The following RD3 variants were observed in gnomAD, a reference collection of about 807,000 sequenced individuals.
RD3 encodes the protein protein RD3.
A neutral mutation model predicts 16.9 loss-of-function variants in RD3; 11 were observed. That is an observed-to-expected ratio of 0.65 (90% CI 0.41 to 1.08). The LOEUF is 1.08. RD3 is among the 50% of genes least tolerant of loss of function. The probability of loss-of-function intolerance (pLI) is 0.00; values close to 1 mark genes in which losing one functional copy is unlikely to be tolerated. For synonymous variants in RD3, 116 were observed against 114.8 expected, an observed-to-expected ratio of 1.01 and a Z score of -0.07; for missense variants, 274 against 267.4, an observed-to-expected ratio of 1.02 and a Z score of -0.17.
intron 1 of RD3, among the ~76,000 whole-genome samples, chr1:211,483,946 G>A (rs906151844): frequency 5.3e-5 from 8 of 152,180 alleles, no homozygotes; most frequent in African/African-American, 1.7e-4. Context: ...GAATGTGCTG[G>A]GCTACTGCAC....
Position 211,481,347 on chromosome 1 carries a change from C to G in RD3, c.69G>C (p.Glu23Asp), listed in dbSNP as rs34422496. 2,486 of 1,614,114 alleles carry G rather than the reference C, an allele frequency of 1.5e-3. 39 individuals are homozygous for G. In the African/African-American group the frequency reaches 0.028, roughly 18 times the overall value. Residue 23 changes from glutamate (E) to aspartate (D), a missense_variant, in exon 2 of 3, where the codon GAG (glutamate) becomes GAC (aspartate). Glu to Asp is a conservative substitution (Grantham distance 45, BLOSUM62 2). Transcript: ENST00000680073. ...CCATCATAAGCGTCTCCAGCACCAT[C>G]TCAGCAGGGCTCCTGGTGGACAGCC... ...PSRLSTRSPAEMVLETLMMEL... is the reference protein window; with the variant it reads ...PSRLSTRSPADMVLETLMMEL...
At chr1:211,487,301 T>C (rs1339649131) in intron 1 of RD3, among the ~76,000 whole-genome samples, 1 of 152,184 alleles carries the variant, frequency 6.6e-6, no homozygotes, top group Non-Finnish European at 1.5e-5. Context: ...CCCCCTCCCA[T>C]AACCTGCTTT....
chr1:211,479,256 T>C lies in RD3; in HGVS notation c.368A>G (p.Gln123Arg). The C allele has an allele frequency of 6.2e-7, 1 of 1,607,616 alleles. No homozygotes were observed. Among genetic ancestry groups the C allele is most frequent in the Non-Finnish European group, 8.5e-7 (1 of 1,177,116 alleles). Residue 123 changes from glutamine (Q) to arginine (R), a missense_variant, in exon 3 of 3, where the codon CAG (glutamine) becomes CGG (arginine). Gln to Arg is a conservative substitution (Grantham distance 43, BLOSUM62 1). Coordinates refer to ENST00000680073, the MANE Select transcript of RD3 (RefSeq NM_001164688.2). ...CTGCTTCATCCTCTCCAGGACCTCC[T>C]GCAGCACCGAGCGGAAGAGCTGGGA... ...EVSQLFRSVLQEVLERMKQEE... is the reference protein window; with the variant it reads ...EVSQLFRSVLREVLERMKQEE...
At chr1:211,480,136 A>T (rs993119921) in intron 2 of RD3, among the ~76,000 whole-genome samples, 1 of 151,580 alleles carries the variant, frequency 6.6e-6, no homozygotes, top group African/African-American at 2.4e-5. Flanking sequence ...CCACCCCATG[A>T]CCCACCCCCG....
In RD3 at chr1:211,477,726, C is replaced by T. The variant is rs193253076; in HGVS notation, c.*1310G>A. On this transcript the variant is annotated 3_prime_UTR_variant, in exon 3 of 3. Transcript: ENST00000680073. ...AAAACTTTTTTCCACTGAGGGAATA[C>T]ACACTTTTCCCCCCTGTTGATTATA... 153 of 177,322 alleles carry T rather than the reference C, an allele frequency of 8.6e-4. No homozygotes were observed. The highest frequency in any genetic ancestry group is 1.5e-3 in the East Asian group (10 of 6,684). 11.0% of individuals were successfully genotyped at this position (177,322 alleles called of 1,614,324 possible). A position where few individuals can be genotyped will look rare whatever the true frequency, so the allele number is the denominator to read the frequency against.
chr1:211,486,968 C>T (rs1358952502), intron 1 of RD3, among the ~76,000 whole-genome samples: 2 of 152,146 alleles, frequency 1.3e-5, no homozygotes, highest in Non-Finnish European at 2.9e-5. Flanking sequence ...GAAAACATTA[C>T]ATAAATATGT....
rs74892201 is a variant in RD3, at chr1:211,488,272, C to T, written c.-12+3496G>A. Among the ~76,000 whole-genome samples the T allele has an allele frequency of 2.7e-4, 41 of 152,140 alleles. 1 individual carries two copies. The highest frequency in any genetic ancestry group is 4.3e-4 in the Non-Finnish European group (29 of 68,026). On this transcript the variant is annotated intron_variant, in intron 1 of 2. Coordinates refer to ENST00000680073, the MANE Select transcript of RD3 (RefSeq NM_001164688.2). ...CCTGGAGGCCGGGAGCGGTGGCTCA[C>T]GACTATAATCCCAGCACTTTGGGAG...
chr1:211,491,746 C>T (rs969055926), intron 1 of RD3, 22 bp downstream of exon 1: 2 of 152,304 alleles, frequency 1.3e-5, no homozygotes, highest in Non-Finnish European at 2.9e-5. Flanking sequence ...GACACTGTCT[C>T]CTGGGGAGAC....
Position 211,482,592 on chromosome 1 carries a change from G to A in RD3, c.-11-1166C>T, listed in dbSNP as rs150048218. Among the ~76,000 whole-genome samples the A allele has an allele frequency of 2.5e-4, 38 of 151,980 alleles. 2 individuals are homozygous for A. Among genetic ancestry groups the A allele is most frequent in the African/African-American group, 8.7e-4 (36 of 41,282 alleles). ...GCCATAGAACAAGGTGAGACAGGTG[G>A]AGGTCTGACAGCAGCGAGCCTAACT... On this transcript the variant is annotated intron_variant, in intron 1 of 2. Transcript: ENST00000680073.
At position 211,476,614 on chromosome 1, in the gene RD3, G is replaced by A. The variant is rs1369765000; in HGVS notation, c.*2422C>T. The stretch of plus-strand genomic sequence containing the variant: ...TCCCTTTAACAACCTGAATCCAGAG[G>A]AACAACTTCTGGACCCTCATGAATT... On this transcript the variant is annotated 3_prime_UTR_variant, in exon 3 of 3. Transcript: ENST00000680073. The A allele has an allele frequency of 1.3e-5, 2 of 152,128 alleles. No homozygotes were observed. Among genetic ancestry groups the A allele is most frequent in the Non-Finnish European group, 2.9e-5 (2 of 68,034 alleles). The allele number at this position is 152,128 out of a possible 1,614,324, so 9.4% of individuals were successfully genotyped here. A position where few individuals can be genotyped will look rare whatever the true frequency, so the allele number is the denominator to read the frequency against.
At position 211,478,930 on chromosome 1, in the gene RD3, TC is replaced by T; in HGVS notation, c.*105del. On this transcript the variant is annotated 3_prime_UTR_variant, in exon 3 of 3. Transcript: ENST00000680073. ...TTGGGATGGGGCCGCCTCTTGGGTCTCCTCGTCAGGCCTAGGTGGGGAGGTT... is the reference window on the plus strand; with the variant it reads ...TTGGGATGGGGCCGCCTCTTGGGTCTCTCGTCAGGCCTAGGTGGGGAGGTT... 1 of 1,088,422 alleles carries T rather than the reference TC, an allele frequency of 9.2e-7. No homozygotes were observed. Among genetic ancestry groups the T allele is most frequent in the Non-Finnish European group, 1.3e-6 (1 of 782,722 alleles). The allele number at this position is 1,088,422 out of a possible 1,614,324, so 67.4% of individuals were successfully genotyped here.
In RD3 at chr1:211,481,357, C is replaced by A. The variant is rs1434115294; in HGVS notation, c.59G>T (p.Ser20Ile). 2 of 1,613,986 alleles carry A rather than the reference C, an allele frequency of 1.2e-6. No individual in the cohort carries two copies. The highest frequency in any genetic ancestry group is 2.2e-5 in the South Asian group (2 of 91,070). ...CGTCTCCAGCACCATCTCAGCAGGG[C>A]TCCTGGTGGACAGCCGGGATGGGGC... ...NEAPSRLSTR[S>I]PAEMVLETLM... The change falls in exon 2 of 3, where the codon AGC becomes ATC. Residue 20 changes from serine to isoleucine, a missense_variant. Coordinates refer to ENST00000680073, the MANE Select transcript of RD3 (RefSeq NM_001164688.2).
At chr1:211,487,090 G>A (rs1019334920) in intron 1 of RD3, among the ~76,000 whole-genome samples, 13 of 152,044 alleles carry the variant, frequency 8.6e-5, no homozygotes, top group African/African-American at 2.4e-4. Context: ...CCCTCCCCAC[G>A]GCCACCGTCT....
At chr1:211,488,315 A>C (rs2102373000) in intron 1 of RD3, among the ~76,000 whole-genome samples, 1 of 152,162 alleles carries the variant, frequency 6.6e-6, no homozygotes, top group East Asian at 1.9e-4. Context: ...CAGGCAGATC[A>C]CTTGAGGCCA....
At chr1:211,490,087 G>T (rs12040334) in intron 1 of RD3, among the ~76,000 whole-genome samples, 22,332 of 152,146 alleles carry the variant, frequency 0.15, 2,569 homozygotes, top group African/African-American at 0.3. Flanking sequence ...GCTGTGGCTC[G>T]TTAGCTGTGC....
At chr1:211,488,682 CT>C (rs1558182246) in intron 1 of RD3, among the ~76,000 whole-genome samples, 2 of 152,212 alleles carry the variant, frequency 1.3e-5, no homozygotes, top group Non-Finnish European at 2.9e-5. Context: ...GTTAAGACCC[CT>C]ATCCATCTTG....
chr1:211,488,542 A>AAG (rs1553281875), intron 1 of RD3, among the ~76,000 whole-genome samples: 1 of 151,694 alleles, frequency 6.6e-6, no homozygotes, highest in Non-Finnish European at 1.5e-5. Context: ...CAAAAAAAAA[A>AAG]AAAAAAACCC....
At chr1:211,487,378 T>C (rs1705394609) in intron 1 of RD3, among the ~76,000 whole-genome samples, 1 of 152,250 alleles carries the variant, frequency 6.6e-6, no homozygotes, top group African/African-American at 2.4e-5. Context: ...ATTCTCCCCA[T>C]GTACGCGTTT....
At chr1:211,482,528 G>A (rs140772585) in intron 1 of RD3, among the ~76,000 whole-genome samples, 1 of 151,974 alleles carries the variant, frequency 6.6e-6, no homozygotes, top group African/African-American at 2.4e-5. Flanking sequence ...CAGACACATG[G>A]GCTGATGGAG....
Sources: gnomAD v4.1 joint callset for allele counts (sites outside exome capture counted in the v4.1 genomes callset) on GRCh38, gnomAD v4.1.1 for gene constraint, MANE v1.5 for transcripts, NCBI Gene and HGNC (gene_info 2026-07-23, HGNC 2026-07-21) for gene names.